Variants in ZNF638 observed in about 807,000 individuals in gnomAD.
ZNF638 encodes the protein CTCL tumor antigen se33-1.
In ZNF638, 46 loss-of-function variants were observed where a neutral mutation model predicts 195.6. That is an observed-to-expected ratio of 0.24 (90% CI 0.19 to 0.30). The LOEUF (loss-of-function observed/expected upper bound fraction) is 0.30, where lower values mean the gene tolerates loss of function less well. Among genes scored for constraint, ZNF638 ranks in the 10% least tolerant of loss-of-function variants. The pLI, the probability that ZNF638 is intolerant of heterozygous loss-of-function variation, is 1.00. For synonymous variants in ZNF638, 845 were observed against 772.0 expected (o/e 1.09, Z -1.57); for missense variants, 2,440 against 2,325.3 (o/e 1.05, Z -1.01).
At chr2:71,374,939 A>G (rs901221957) in intron 8 of ZNF638, 1 of 152,132 alleles carries the variant, frequency 6.6e-6, no homozygotes, top group African/African-American at 2.4e-5. Flanking sequence ...AACAAAGAAC[A>G]TGGTTTGTCC....
intron 21 of ZNF638, 112 bp from the exon 22 acceptor site, chr2:71,422,702 C>A: frequency 8.7e-7 from 1 of 1,145,678 alleles, no homozygotes; most frequent in Non-Finnish European, 1.2e-6. Flanking sequence ...ATCAGGAAGT[C>A]TTAACAATTG....
chr2:71,428,507 A>G, intron 24 of ZNF638, 40 bp from the exon 25 acceptor site: 1 of 1,537,778 alleles, frequency 6.5e-7, no homozygotes, highest in South Asian at 1.2e-5. Context: ...CAATTTAAAT[A>G]CTGTTACTAG....
intron 15 of ZNF638, among the ~76,000 whole-genome samples, chr2:71,401,635 C>T (rs180972344): frequency 9.2e-5 from 14 of 151,406 alleles, no homozygotes; most frequent in Admixed American, 1.3e-4. Context: ...TGCAGTGAGC[C>T]GAGGTTGTAC....
chr2:71,390,101 T>TA (rs2104392008), intron 10 of ZNF638, among the ~76,000 whole-genome samples: 1 of 152,282 alleles, frequency 6.6e-6, no homozygotes, highest in South Asian at 2.1e-4. Flanking sequence ...AACCCCCTTC[T>TA]ATATGCCCCC....
At chr2:71,355,055 G>A (rs1451306231) in intron 2 of ZNF638, among the ~76,000 whole-genome samples, 1 of 152,022 alleles carries the variant, frequency 6.6e-6, no homozygotes, top group African/African-American at 2.4e-5. Flanking sequence ...TGCAAGCTCC[G>A]CCTCCCGGGT....
chr2:71,417,705 G>T (rs573575897), intron 20 of ZNF638, among the ~76,000 whole-genome samples: 1 of 151,026 alleles, frequency 6.6e-6, no homozygotes, highest in South Asian at 2.1e-4. Flanking sequence ...TTAATGGAAA[G>T]CTGCTAGTAA....
At chr2:71,363,069 CT>C in intron 3 of ZNF638, 83 bp from the exon 4 acceptor site, 2 of 970,416 alleles carry the variant, frequency 2.1e-6, no homozygotes, top group Non-Finnish European at 3.2e-6. Flanking sequence ...GTGAAAAGTC[CT>C]TTTGATATAT....
intron 3 of ZNF638, among the ~76,000 whole-genome samples, chr2:71,357,127 C>T (rs566023396): frequency 6.6e-6 from 1 of 152,220 alleles, no homozygotes; most frequent in South Asian, 2.1e-4. Flanking sequence ...GAATATATGC[C>T]TCTCCCATCT....
Position 71,406,242 on chromosome 2 carries a change from T to C in ZNF638, c.3115T>C (p.Phe1039Leu), listed in dbSNP as rs995634257. The part of the protein sequence containing the change: ...LQFGKVDHHV[F>L]ISNRNKAILQ... Reference sequence around the variant, plus strand: ...GTTTGGAAAAGTGGATCACCATGTATTCATAAGTAATAGAAACAAGGTAAC... The same window carrying C: ...GTTTGGAAAAGTGGATCACCATGTACTCATAAGTAATAGAAACAAGGTAAC... Residue 1039 changes from phenylalanine (F) to leucine (L), a missense_variant, in exon 19 of 28, where the codon TTC becomes CTC. Physicochemically the swap from Phe to Leu is conservative, Grantham distance 22 (BLOSUM62 0). Transcript: ENST00000264447. 1 of 1,612,204 alleles carries C rather than the reference T, an allele frequency of 6.2e-7. No homozygotes were observed. The highest frequency in any genetic ancestry group is 1.3e-5 in the African/African-American group (1 of 74,900).
chr2:71,349,987 G>A lies in ZNF638; in HGVS notation c.1033G>A (p.Val345Ile). Residue 345 changes from valine to isoleucine, a missense_variant, in exon 2 of 28, where the codon GTA (valine) becomes ATA (isoleucine). Physicochemically the swap from Val to Ile is conservative, Grantham distance 29 (BLOSUM62 3). Around this residue, in one of 5 missense-constraint regions of ZNF638, gnomAD observed 305 missense variants for 283.6 expected, o/e 1.08. Coordinates refer to ENST00000264447, the MANE Select transcript of ZNF638 (RefSeq NM_014497.5). ...QPFSSELISS[V>I]SQQERIPHEP... ...TTTTTCGTCGGAATTAATTTCATCT[G>A]TAAGCCAGCAAGAGCGGATCCCACA... 6.2e-7 allele frequency: 1 copy of A among 1,614,196 alleles called. No individual in the cohort carries two copies. The highest frequency in any genetic ancestry group is 8.5e-7 in the Non-Finnish European group (1 of 1,180,040).
chr2:71,403,732 C>A, intron 16 of ZNF638, 138 bp from the exon 17 acceptor site: 1 of 535,368 alleles, frequency 1.9e-6, no homozygotes, highest in Non-Finnish European at 3.1e-6. Flanking sequence ...CTGAGGACTG[C>A]ATTTTTTTAT....
In ZNF638 at chr2:71,427,151, C is replaced by T; in HGVS notation, c.5282C>T (p.Ser1761Phe). The change falls in exon 24 of 28, where the codon TCT becomes TTT. Residue 1761 changes from serine to phenylalanine, a missense_variant. This residue lies in a region of ZNF638 where 1,883 missense variants were observed against 1,739.1 expected (regional missense o/e 1.08). Transcript: ENST00000264447. ...GAAGTAACTGAAGAGGATGAAGACTCTCTGGCGGATTTTAACAACCTTAAA... is the reference window on the plus strand; with the variant it reads ...GAAGTAACTGAAGAGGATGAAGACTTTCTGGCGGATTTTAACAACCTTAAA... ...LDEVTEEDED[S>F]LADFNNLKEE... 3 of 1,612,908 alleles carry T rather than the reference C, an allele frequency of 1.9e-6. No homozygotes were observed. Among genetic ancestry groups the T allele is most frequent in the Non-Finnish European group, 2.5e-6 (3 of 1,179,656 alleles).
intron 10 of ZNF638, among the ~76,000 whole-genome samples, chr2:71,391,446 T>G (rs999964714): frequency 4.6e-5 from 7 of 152,214 alleles, no homozygotes; most frequent in African/African-American, 1.7e-4. Flanking sequence ...TAAATCAGGC[T>G]TTGCTCCCCA....
At chr2:71,405,239 G>A (rs2080083634) in intron 17 of ZNF638, among the ~76,000 whole-genome samples, 1 of 152,098 alleles carries the variant, frequency 6.6e-6, no homozygotes, top group South Asian at 2.1e-4. Context: ...CTGCATTTCT[G>A]TTCTTTCTCA....
chr2:71,400,672 A>G (rs1468591441), intron 15 of ZNF638, among the ~76,000 whole-genome samples, 154 bp downstream of exon 15: 2 of 152,172 alleles, frequency 1.3e-5, no homozygotes, highest in Non-Finnish European at 2.9e-5. Context: ...AGAAAGGAAA[A>G]GAGAAAAAAA....
At chr2:71,405,562 A>C (rs202026452) in intron 17 of ZNF638, 39 bp from the exon 18 acceptor site, 2 of 1,300,956 alleles carry the variant, frequency 1.5e-6, no homozygotes, top group Non-Finnish European at 2.2e-6. Flanking sequence ...TATGAGAAAG[A>C]GCTTATACCA....
rs116659706 is a variant in ZNF638, at chr2:71,423,101, A to G, written c.3587A>G (p.Glu1196Gly). The G allele has an allele frequency of 7.5e-4, 1,213 of 1,614,146 alleles. 8 individuals are homozygous for G. In the African/African-American group the frequency reaches 0.014, roughly 19 times the overall value. ...ATTGAACAATTCACTGAAAATGCCG[A>G]GGAGTGTGCTTTAAATCAGCAGATG... is the stretch of plus-strand genomic sequence containing the variant. ...VSIEQFTENAEECALNQQMFN... is the reference protein window; with the variant it reads ...VSIEQFTENAGECALNQQMFN... The change falls in exon 22 of 28, where the codon GAG becomes GGG. Residue 1196 changes from glutamate to glycine, a missense_variant. By Grantham distance (98) the Glu-to-Gly change is moderately conservative. Coordinates refer to ENST00000264447, the MANE Select transcript of ZNF638 (RefSeq NM_014497.5).
chr2:71,369,214 G>T (rs576620046), intron 7 of ZNF638, among the ~76,000 whole-genome samples: 3 of 151,772 alleles, frequency 2.0e-5, no homozygotes, highest in African/African-American at 2.4e-5. Context: ...TCCCACCTAC[G>T]TGGGAGGTTG....
At chr2:71,421,718 G>T (rs1171539589) in intron 21 of ZNF638, among the ~76,000 whole-genome samples, 1 of 152,098 alleles carries the variant, frequency 6.6e-6, no homozygotes, top group Non-Finnish European at 1.5e-5. Context: ...TAATAATCAG[G>T]TATTGATATG....
Sources: allele counts gnomAD v4.1 joint callset (sites outside exome capture counted in the v4.1 genomes callset), GRCh38; gene constraint gnomAD v4.1.1; regional missense constraint gnomAD v4.1.1; transcripts MANE v1.5; gene names NCBI Gene and HGNC (gene_info 2026-07-23, HGNC 2026-07-21).